Variants in TG observed in about 807,000 individuals in gnomAD.
The protein encoded by TG is thyroglobulin, also known as thyroid hormones.
A neutral mutation model predicts 324.7 loss-of-function variants in TG; 270 were observed. That is an observed-to-expected ratio of 0.83 (90% CI 0.75 to 0.92). TG has a LOEUF of 0.92. Ranked by LOEUF, TG falls within the 40% of genes least tolerant of loss-of-function variation. TG has a pLI of 0.00. For missense variants in TG, 3,591 were observed against 3,456.4 expected (o/e 1.04, Z -0.98); for synonymous variants, 1,401 against 1,327.0 (o/e 1.06, Z -1.21).
rs774454754 is a variant in TG, at chr8:132,967,925, A to G, written c.5818A>G (p.Arg1940Gly). 6.2e-7 allele frequency: 1 copy of G among 1,613,940 alleles called. No individual in the cohort carries two copies. The highest frequency in any genetic ancestry group is 1.1e-5 in the South Asian group (1 of 91,076). The change falls in exon 31 of 48, where the codon AGA (arginine) becomes GGA (glycine). Residue 1940 changes from arginine (R) to glycine (G), a missense_variant. By Grantham distance (125) the Arg-to-Gly change is moderately radical. Coordinates refer to ENST00000220616, the MANE Select transcript of TG (RefSeq NM_003235.5). ...CATGGAGTCCAATGCCCAGGGCTGCAGACTGATCCTGCCTCAGATGCCAAA... is the reference window on the plus strand; with the variant it reads ...CATGGAGTCCAATGCCCAGGGCTGCGGACTGATCCTGCCTCAGATGCCAAA... Reference protein sequence around the residue: ...DIMESNAQGCRLILPQMPKAL... With the variant: ...DIMESNAQGCGLILPQMPKAL...
chr8:133,001,018 C>A (rs958670176), intron 35 of TG, among the ~76,000 whole-genome samples: 1 of 152,146 alleles, frequency 6.6e-6, no homozygotes, highest in African/African-American at 2.4e-5. Context: ...GTAGATGGCA[C>A]CCTCTCCTTG....
At chr8:133,059,438 C>A (rs1397085685) in intron 41 of TG, among the ~76,000 whole-genome samples, 6 of 152,146 alleles carry the variant, frequency 3.9e-5, no homozygotes, top group Non-Finnish European at 8.8e-5. Flanking sequence ...CCCTCCCAGG[C>A]CTCTGACCAG....
rs115718521 is a variant in TG, at chr8:133,078,535, T to C, written c.7240-16509T>C. Among the ~76,000 whole-genome samples, 393 of 152,334 alleles carry C rather than the reference T, an allele frequency of 2.6e-3. 1 individual carries two copies. The highest frequency in any genetic ancestry group is 8.9e-3 in the African/African-American group (371 of 41,578). ...TCAAGAAGTCTCGAGTCCAAGAATA[T>C]TGTCATTTATTCAAGCATGCATTTT... On this transcript the variant is annotated intron_variant, in intron 41 of 47. Transcript: ENST00000220616.
intron 26 of TG, among the ~76,000 whole-genome samples, chr8:132,943,299 C>T (rs1483434237): frequency 6.6e-6 from 1 of 152,012 alleles, no homozygotes; most frequent in African/African-American, 2.4e-5. Context: ...TATGCCACCT[C>T]CCCCTCTCTC....
At chr8:132,996,419 A>G (rs1324533492) in intron 35 of TG, among the ~76,000 whole-genome samples, 2 of 152,190 alleles carry the variant, frequency 1.3e-5, no homozygotes, top group African/African-American at 4.8e-5. Flanking sequence ...AATTAACTTC[A>G]TTCAATACCT....
At chr8:133,052,512 C>G (rs567146118) in intron 41 of TG, among the ~76,000 whole-genome samples, 11 of 152,160 alleles carry the variant, frequency 7.2e-5, no homozygotes, top group African/African-American at 2.7e-4. Flanking sequence ...CTGCTGCAGA[C>G]CTTCCCCAAA....
intron 19 of TG, 82 bp downstream of exon 19, chr8:132,911,615 G>A (rs778892881): frequency 1.9e-5 from 22 of 1,185,202 alleles, no homozygotes; most frequent in Non-Finnish European, 2.5e-5. Context: ...AATGGAGCTG[G>A]TGAAGAAGCC....
intron 30 of TG, 119 bp from the exon 31 acceptor site, chr8:132,967,675 C>T: frequency 8.8e-7 from 1 of 1,142,364 alleles, no homozygotes; most frequent in Non-Finnish European, 1.3e-6. Context: ...AGTCTCAGGC[C>T]TCTGCCCTAA....
At chr8:133,051,490 C>A (rs1564120497) in intron 41 of TG, among the ~76,000 whole-genome samples, 1 of 152,038 alleles carries the variant, frequency 6.6e-6, no homozygotes, top group East Asian at 1.9e-4. Flanking sequence ...TGAGGTTAAA[C>A]AAAATACTTA....
chr8:133,097,998 C>T (rs182006339), intron 43 of TG, among the ~76,000 whole-genome samples: 50 of 152,182 alleles, frequency 3.3e-4, no homozygotes, highest in African/African-American at 8.9e-4. Context: ...AACTTAGTCA[C>T]CCTCAGCTTG....
chr8:132,944,553 T>C (rs1824947089), intron 26 of TG, among the ~76,000 whole-genome samples: 1 of 152,198 alleles, frequency 6.6e-6, no homozygotes, highest in Non-Finnish European at 1.5e-5. Context: ...TGCTGCTGAA[T>C]TGGGCAGACC....
In TG at chr8:132,967,856, T is replaced by C. The variant is rs1240410257; in HGVS notation, c.5749T>C (p.Phe1917Leu). 1.2e-6 allele frequency: 2 copies of C among 1,614,008 alleles called. No individual in the cohort carries two copies. The highest frequency in any genetic ancestry group is 1.7e-6 in the Non-Finnish European group (2 of 1,179,950). ...AEITESASLY[F>L]TCTLYPEAQV... Reference sequence around the variant, plus strand: ...GATAACAGAGAGTGCATCCTTGTACTTCACCTGCACCCTCTACCCAGAGGC... The same window carrying C: ...GATAACAGAGAGTGCATCCTTGTACCTCACCTGCACCCTCTACCCAGAGGC... Residue 1917 changes from phenylalanine to leucine, a missense_variant, in exon 31 of 48, where the codon TTC becomes CTC. Phe to Leu is a conservative substitution (Grantham distance 22, BLOSUM62 0). Coordinates refer to ENST00000220616, the MANE Select transcript of TG (RefSeq NM_003235.5).
intron 15 of TG, 82 bp from the exon 16 acceptor site, chr8:132,901,271 T>G: frequency 3.2e-6 from 5 of 1,539,616 alleles, no homozygotes; most frequent in Non-Finnish European, 4.5e-6. Flanking sequence ...AGGGTGGCCG[T>G]GGGTGGTGAG....
rs1839124751 is a variant in TG, at chr8:132,867,977, T to G, written c.68-138T>G. ...ATGTCATACTTGTAAGAAAGTGTGC[T>G]TAGCTGCCAAATTTTAAAATAGGCT... is the stretch of plus-strand genomic sequence containing the variant. On this transcript the variant is annotated intron_variant, in intron 1 of 47. Transcript: ENST00000220616. 26 of 748,858 alleles carry G rather than the reference T, an allele frequency of 3.5e-5. No individual in the cohort carries two copies. The South Asian group carries it at 3.9e-4, about 11-fold the overall frequency. 46.4% of individuals were successfully genotyped at this position (748,858 alleles called of 1,614,324 possible).
intron 34 of TG, among the ~76,000 whole-genome samples, chr8:132,975,054 A>G (rs998583775): frequency 7.2e-5 from 11 of 152,230 alleles, no homozygotes; most frequent in African/African-American, 2.4e-4. Flanking sequence ...GTGGGTTTCT[A>G]TTAAAGGAAT....
intron 10 of TG, among the ~76,000 whole-genome samples, chr8:132,892,003 T>C (rs976336076): frequency 6.6e-6 from 1 of 152,190 alleles, no homozygotes; most frequent in Non-Finnish European, 1.5e-5. Flanking sequence ...CTTAAAAGGC[T>C]TATTACAAAA....
chr8:133,007,362 T>C (rs1834105615), intron 35 of TG, among the ~76,000 whole-genome samples: 1 of 152,078 alleles, frequency 6.6e-6, no homozygotes, highest in Non-Finnish European at 1.5e-5. Flanking sequence ...TTCCATTGAG[T>C]GTGTAGATCA....
chr8:132,876,736 T>C (rs972882062), intron 5 of TG, among the ~76,000 whole-genome samples: 3 of 152,210 alleles, frequency 2.0e-5, no homozygotes, highest in Non-Finnish European at 4.4e-5. Context: ...TATATTGCCC[T>C]AGCCCAACCA....
In TG at chr8:132,886,844, C is replaced by T. The variant is rs746361534; in HGVS notation, c.1472C>T (p.Thr491Ile). 42 of 1,614,022 alleles carry T rather than the reference C, an allele frequency of 2.6e-5. No individual in the cohort carries two copies. The East Asian group carries it at 8.5e-4, about 33-fold the overall frequency. Residue 491 changes from threonine (T) to isoleucine (I), a missense_variant, in exon 9 of 48, where the codon ACA becomes ATA. By Grantham distance (89) the Thr-to-Ile change is moderately conservative (BLOSUM62 -1). Transcript: ENST00000220616. ...TTTAACTTGTCTGGAGCCCTTGGCACAAGAGGCACATTTAACTTCAGTCAA... is the reference window on the plus strand; with the variant it reads ...TTTAACTTGTCTGGAGCCCTTGGCATAAGAGGCACATTTAACTTCAGTCAA... ...GQFNLSGALG[T>I]RGTFNFSQFF...
Sources: allele counts gnomAD v4.1 joint callset (sites outside exome capture counted in the v4.1 genomes callset), GRCh38; gene constraint gnomAD v4.1.1; transcripts MANE v1.5; gene names NCBI Gene and HGNC (gene_info 2026-07-23, HGNC 2026-07-21).